The following ZBED4 variants were observed in gnomAD, a reference collection of about 807,000 sequenced individuals.
ZBED4 encodes zinc finger BED-type containing 4.
ZBED4 carries 4 observed loss-of-function variants against 15.5 expected under a neutral mutation model. The ratio of observed to expected loss-of-function variants is 0.26; its 90% CI spans 0.13 to 0.59. The LOEUF is 0.59. ZBED4 is among the 20% of genes least tolerant of loss of function. ZBED4 has a pLI of 0.90. For synonymous variants in ZBED4, 692 were observed against 608.5 expected (o/e 1.14, Z -2.02); for missense variants, 1,323 against 1,461.8 (o/e 0.91, Z 1.55).
At chr22:49,873,687 TATG>T (rs10568114) in intron 1 of ZBED4, among the ~76,000 whole-genome samples, 23,524 of 149,438 alleles carry the variant, frequency 0.16, 5,017 homozygotes, top group African/African-American at 0.49. Flanking sequence ...GGTGCGGTGA[TATG>T]AGGTGATATG....
intron 1 of ZBED4, among the ~76,000 whole-genome samples, chr22:49,866,875 C>A (rs8140403): frequency 1.3e-5 from 2 of 152,206 alleles, no homozygotes; most frequent in African/African-American, 2.4e-5. Flanking sequence ...GCTGGCGGCT[C>A]TTGAACGGTG....
rs974327157 is a variant in ZBED4, at chr22:49,877,875, G to A, written c.-329-5459G>A. 7.2e-5 allele frequency among the ~76,000 whole-genome samples: 11 copies of A among 152,216 alleles called. No individual in the cohort carries two copies. The East Asian group carries it at 1.7e-3, about 24-fold the overall frequency. ...CTCCCGCACTCTGCAGGATTGTTTC[G>A]AGATTCATCCGTGTTGCGTGTATCC... is the stretch of plus-strand genomic sequence containing the variant. On this transcript the variant is annotated intron_variant, in intron 1 of 1. Coordinates refer to ENST00000216268, the MANE Select transcript of ZBED4 (RefSeq NM_014838.3).
intron 1 of ZBED4, among the ~76,000 whole-genome samples, chr22:49,859,761 C>T (rs2060289124): frequency 6.6e-6 from 1 of 152,208 alleles, no homozygotes; most frequent in African/African-American, 2.4e-5. Flanking sequence ...TGTGGTGGCT[C>T]ACACCTGTAA....
chr22:49,884,265 C>A lies in ZBED4; in HGVS notation c.603C>A (p.Thr201=). ...CTGCGGACGCGGGTGACCTCAGCAC[C>A]ATCCTCTCACCCATCAAACTTGTCC... ...PQPADAGDLS[T]ILSPIKLVQK... The change falls in exon 2 of 2, where the codon ACC becomes ACA. Residue 201 remains threonine, a synonymous_variant. Transcript: ENST00000216268. The A allele has an allele frequency of 6.2e-7, 1 of 1,610,200 alleles. No homozygotes were observed. The highest frequency in any genetic ancestry group is 8.5e-7 in the Non-Finnish European group (1 of 1,177,954).
rs149198396 is a variant in ZBED4, at chr22:49,885,927, G to A, written c.2265G>A (p.Ser755=). The A allele has an allele frequency of 3.2e-4, 273 of 844,838 alleles. No homozygotes were observed. In the African/African-American group the frequency reaches 3.3e-3, roughly 10 times the overall value. 52.3% of individuals were successfully genotyped at this position (844,838 alleles called of 1,614,324 possible). Reference sequence around the variant, plus strand: ...CGGCCCACTGGGTTTCCTTCGAGTCGCCAGCCCGGCCGCGCTGTGACGACC... The same window carrying A: ...CGGCCCACTGGGTTTCCTTCGAGTCACCAGCCCGGCCGCGCTGTGACGACC... ...TLTAHWVSFE[S]PARPRCDDHH... Residue 755 remains serine (S), a synonymous_variant, in exon 2 of 2, where the codon TCG becomes TCA. Coordinates refer to ENST00000216268, the MANE Select transcript of ZBED4 (RefSeq NM_014838.3).
At chr22:49,877,674 A>G (rs2060384689) in intron 1 of ZBED4, among the ~76,000 whole-genome samples, 1 of 152,182 alleles carries the variant, frequency 6.6e-6, no homozygotes, top group African/African-American at 2.4e-5. Context: ...ATATATCCAT[A>G]TCCATATAGT....
At position 49,881,246 on chromosome 22, in the gene ZBED4, G is replaced by A. The variant is rs140234250; in HGVS notation, c.-329-2088G>A. On this transcript the variant is annotated intron_variant, in intron 1 of 1. Coordinates refer to ENST00000216268, the MANE Select transcript of ZBED4 (RefSeq NM_014838.3). ...CGCCTGTAATCCCAGCTACTTGGGA[G>A]GCTGAGGCAGGAGAAGCACTTGAAC... is the stretch of plus-strand genomic sequence containing the variant. Among the ~76,000 whole-genome samples, 8 of 152,370 alleles carry A rather than the reference G, an allele frequency of 5.3e-5. No homozygotes were observed. In the East Asian group the frequency reaches 1.5e-3, roughly 29 times the overall value.
chr22:49,884,288 T>C lies in ZBED4; in HGVS notation c.626T>C (p.Val209Ala). Reference protein sequence around the residue: ...LSTILSPIKLVQKVASKIPSP... With the variant: ...LSTILSPIKLAQKVASKIPSP... ...ACCATCCTCTCACCCATCAAACTTG[T>C]CCAGAAAGTGGCGTCTAAGATCCCG... The change falls in exon 2 of 2, where the codon GTC becomes GCC. Residue 209 changes from valine to alanine, a missense_variant. Val to Ala is a moderately conservative substitution (Grantham distance 64, BLOSUM62 0). Transcript: ENST00000216268. The C allele has an allele frequency of 6.2e-7, 1 of 1,612,814 alleles. No individual in the cohort carries two copies. Among genetic ancestry groups the C allele is most frequent in the Non-Finnish European group, 8.5e-7 (1 of 1,179,288 alleles).
intron 1 of ZBED4, among the ~76,000 whole-genome samples, chr22:49,854,266 C>T (rs1244962187): frequency 2.0e-5 from 3 of 150,184 alleles, no homozygotes; most frequent in Non-Finnish European, 4.4e-5. Context: ...CCCACGTGCC[C>T]GCGCCGTTGC....
intron 1 of ZBED4, among the ~76,000 whole-genome samples, chr22:49,861,254 G>A (rs909590362): frequency 6.6e-6 from 1 of 151,406 alleles, no homozygotes; most frequent in Non-Finnish European, 1.5e-5. Flanking sequence ...TGATTCTTGT[G>A]CCTCAGCCTC....
chr22:49,881,221 C>T (rs1046233035), intron 1 of ZBED4, among the ~76,000 whole-genome samples: 11 of 152,216 alleles, frequency 7.2e-5, no homozygotes, highest in Non-Finnish European at 8.8e-5. Flanking sequence ...TCATGGCACA[C>T]GCCTGTAATC....
At chr22:49,861,315 T>C (rs1705426441) in intron 1 of ZBED4, among the ~76,000 whole-genome samples, 1 of 150,356 alleles carries the variant, frequency 6.7e-6, no homozygotes, top group African/African-American at 2.5e-5. Flanking sequence ...CTAATTTTTA[T>C]ATTTTTAGTA....
Position 49,867,302 on chromosome 22 carries a change from T to C in ZBED4, c.-330+13313T>C, listed in dbSNP as rs554067755. On this transcript the variant is annotated intron_variant, in intron 1 of 1. Transcript: ENST00000216268. ...TTTGAAATGCCCAACGCGTATGTTA[T>C]GGGCCAGCATGTGGTCTATACTGTG... Among the ~76,000 whole-genome samples, 4 of 152,354 alleles carry C rather than the reference T, an allele frequency of 2.6e-5. No homozygotes were observed. The South Asian group carries it at 6.2e-4, about 24-fold the overall frequency.
Position 49,884,120 on chromosome 22 carries a change from G to A in ZBED4, c.458G>A (p.Ser153Asn), listed in dbSNP as rs2060423700. Residue 153 changes from serine (S) to asparagine (N), a missense_variant, in exon 2 of 2, where the codon AGT becomes AAT. Physicochemically the swap from Ser to Asn is conservative, Grantham distance 46. Transcript: ENST00000216268. The part of the protein sequence containing the change: ...FSRGKNEKDL[S>N]TSCLMRHVRR... ...AGAGGCAAAAACGAGAAAGACTTGA[G>A]TACCAGTTGTCTCATGAGGCACGTG... is the stretch of plus-strand genomic sequence containing the variant. 1 of 1,613,602 alleles carries A rather than the reference G, an allele frequency of 6.2e-7. No individual in the cohort carries two copies. Among genetic ancestry groups the A allele is most frequent in the African/African-American group, 1.3e-5 (1 of 74,888 alleles).
At position 49,883,893 on chromosome 22, in the gene ZBED4, A is replaced by C. The variant is rs1365866017; in HGVS notation, c.231A>C (p.Ala77=). The part of the protein sequence containing the change: ...SCKPPGKYLS[A]ESEDDYGALF... ...AGCCCCCGGGGAAGTACTTGTCTGC[A>C]GAGAGTGAGGATGACTATGGCGCGC... Residue 77 remains alanine, a synonymous_variant, in exon 2 of 2, where the codon GCA becomes GCC. Transcript: ENST00000216268. 1 of 1,607,404 alleles carries C rather than the reference A, an allele frequency of 6.2e-7. No individual in the cohort carries two copies. The highest frequency in any genetic ancestry group is 8.5e-7 in the Non-Finnish European group (1 of 1,175,192).
At chr22:49,873,637 T>C (rs1297909200) in intron 1 of ZBED4, among the ~76,000 whole-genome samples, 1 of 130,706 alleles carries the variant, frequency 7.7e-6, no homozygotes, top group African/African-American at 4.6e-5. Context: ...AACCTCCAAT[T>C]TGGGGGAAAA....
In ZBED4 at chr22:49,886,246, C is replaced by T. The variant is rs897718160; in HGVS notation, c.2584C>T (p.Arg862Trp). Residue 862 changes from arginine to tryptophan, a missense_variant, in exon 2 of 2, where the codon CGG becomes TGG. Physicochemically the swap from Arg to Trp is moderately radical, Grantham distance 101. This residue lies in a region of ZBED4 where 100 missense variants were observed against 79.3 expected (regional missense o/e 1.26). Transcript: ENST00000216268. The surrounding 1 kb of genome is among the most constrained non-coding windows in gnomAD (Gnocchi z 7.7). The part of the protein sequence containing the change: ...LARKICERVH[R>W]SPKAKEKLAE... ...CCGGAAGATCTGCGAGCGGGTGCAC[C>T]GGTCGCCCAAGGCGAAGGAGAAACT... 1.0e-5 allele frequency: 11 copies of T among 1,082,578 alleles called. No homozygotes were observed. Among genetic ancestry groups the T allele is most frequent in the South Asian group, 2.8e-5 (2 of 71,330 alleles). The allele number at this position is 1,082,578 out of a possible 1,614,324, so 67.1% of individuals were successfully genotyped here. A position where few individuals can be genotyped will look rare whatever the true frequency, so the allele number is the denominator to read the frequency against.
At chr22:49,872,599 AGCTCACTGC>A (rs1366392447) in intron 1 of ZBED4, among the ~76,000 whole-genome samples, 1 of 152,202 alleles carries the variant, frequency 6.6e-6, no homozygotes, top group Non-Finnish European at 1.5e-5. Flanking sequence ...TCACGATCAC[AGCTCACTGC>A]AGTCTCAACC....
chr22:49,854,236 G>C (rs991851207), intron 1 of ZBED4, among the ~76,000 whole-genome samples: 2 of 148,658 alleles, frequency 1.3e-5, no homozygotes, highest in Non-Finnish European at 3.0e-5. Flanking sequence ...CCGAGTGCCG[G>C]GGGTCGGCGC....
Sources: allele counts gnomAD v4.1 joint callset (sites outside exome capture counted in the v4.1 genomes callset), GRCh38; gene constraint gnomAD v4.1.1; regional missense constraint gnomAD v4.1.1; non-coding constraint Gnocchi (gnomAD v3.1); transcripts MANE v1.5; gene names NCBI Gene and HGNC (gene_info 2026-07-23, HGNC 2026-07-21).